The following NALF1 variants were observed in gnomAD, a reference collection of about 807,000 sequenced individuals.
NALF1 encodes NALCN channel auxiliary factor 1.
Under a neutral mutation model 48.4 loss-of-function variants are expected in NALF1, and 3 were observed. That is an observed-to-expected ratio of 0.06 (90% CI 0.03 to 0.16). The LOEUF (loss-of-function observed/expected upper bound fraction) is 0.16, where lower values mean the gene tolerates loss of function less well. Among genes scored for constraint, NALF1 ranks in the 10% least tolerant of loss-of-function variants. The probability of loss-of-function intolerance (pLI) is 1.00; values close to 1 mark genes in which losing one functional copy is unlikely to be tolerated. For missense variants in NALF1, 526 were observed against 571.5 expected, an observed-to-expected ratio of 0.92 and a Z score of 0.81; for synonymous variants, 262 against 245.7, an observed-to-expected ratio of 1.07 and a Z score of -0.62.
In NALF1 at chr13:107,169,832, CACAG is replaced by C. The variant is rs1163183329; in HGVS notation, c.*661_*664del. The C allele has an allele frequency of 6.6e-6, 1 of 152,640 alleles. No homozygotes were observed. The highest frequency in any genetic ancestry group is 2.4e-5 in the African/African-American group (1 of 41,410). The allele number at this position is 152,640 out of a possible 1,614,324, so 9.5% of individuals were successfully genotyped here. A position where few individuals can be genotyped will look rare whatever the true frequency, so the allele number is the denominator to read the frequency against. On this transcript the variant is annotated 3_prime_UTR_variant, in exon 3 of 3. Transcript: ENST00000375915. ...CGTGCACACCCATTCACTGTGGTTACACAGACAGAAGCAAGCGGATGTTGTTTGC... is the reference window on the plus strand; with the variant it reads ...CGTGCACACCCATTCACTGTGGTTACACAGAAGCAAGCGGATGTTGTTTGC...
intron 1 of NALF1, among the ~76,000 whole-genome samples, chr13:107,469,796 T>C (rs1885069261): frequency 7.4e-6 from 1 of 134,760 alleles, no homozygotes; most frequent in African/African-American, 2.8e-5. Flanking sequence ...CAGGCTGGAG[T>C]GCAGTGGTGC....
intron 1 of NALF1, among the ~76,000 whole-genome samples, chr13:107,317,030 A>T (rs556910414): frequency 6.6e-6 from 1 of 152,266 alleles, no homozygotes; most frequent in East Asian, 1.9e-4. Flanking sequence ...GAAATGAGAA[A>T]AACTATTGAT....
intron 1 of NALF1, among the ~76,000 whole-genome samples, chr13:107,714,972 GT>G (rs912652773): frequency 9.4e-5 from 14 of 149,294 alleles, no homozygotes; most frequent in Admixed American, 2.0e-4. Flanking sequence ...GTTTAGAAGG[GT>G]TTTTTTTTGC....
intron 1 of NALF1, among the ~76,000 whole-genome samples, chr13:107,477,575 A>G (rs966966317): frequency 2.6e-5 from 4 of 151,986 alleles, no homozygotes; most frequent in Non-Finnish European, 5.9e-5. Context: ...TCCTTACTGG[A>G]AGCAATAAAC....
rs76756641 is a variant in NALF1, at chr13:107,208,474, T to C, written c.1087+2110A>G. 7.8e-3 allele frequency among the ~76,000 whole-genome samples: 1,184 copies of C among 152,342 alleles called. 18 individuals are homozygous for C. Among genetic ancestry groups the C allele is most frequent in the African/African-American group, 0.027 (1,135 of 41,568 alleles). ...GTGTATGGAGGAAGTGGGTGAACATTCAAACATATATTTCAGATTCACAAA... is the reference window on the plus strand; with the variant it reads ...GTGTATGGAGGAAGTGGGTGAACATCCAAACATATATTTCAGATTCACAAA... On this transcript the variant is annotated intron_variant, in intron 2 of 2. Transcript: ENST00000375915.
intron 1 of NALF1, among the ~76,000 whole-genome samples, chr13:107,411,637 G>A (rs1883993751): frequency 6.6e-6 from 1 of 152,138 alleles, no homozygotes; most frequent in Non-Finnish European, 1.5e-5. Context: ...AGCAAGCAAG[G>A]CAGATATTTA....
At chr13:107,678,245 G>A (rs1464825476) in intron 1 of NALF1, among the ~76,000 whole-genome samples, 2 of 152,106 alleles carry the variant, frequency 1.3e-5, no homozygotes, top group Non-Finnish European at 2.9e-5. Flanking sequence ...CATGGTGAAC[G>A]GGAGGGATGA....
rs568255723 is a variant in NALF1, at chr13:107,572,557, G to A, written c.915+293125C>T. 1.5e-4 allele frequency among the ~76,000 whole-genome samples: 23 copies of A among 152,186 alleles called. No individual in the cohort carries two copies. The East Asian group carries it at 1.7e-3, about 12-fold the overall frequency. ...CCCTTTGTGCCGATCCAGGATTCTC[G>A]TGACTTCTACCAGCATCCATTAAAC... On this transcript the variant is annotated intron_variant, in intron 1 of 2. Coordinates refer to ENST00000375915, the MANE Select transcript of NALF1 (RefSeq NM_001080396.3).
intron 2 of NALF1, among the ~76,000 whole-genome samples, chr13:107,192,385 A>C (rs1267173712): frequency 6.6e-6 from 1 of 152,138 alleles, no homozygotes; most frequent in Admixed American, 6.5e-5. Flanking sequence ...TACTGTAAAC[A>C]GTTGCGACCG....
At position 107,660,465 on chromosome 13, in the gene NALF1, ACACACACACACACAC is replaced by A. The variant is rs1880702416; in HGVS notation, c.915+205202_915+205216del. ...CACACACACACACACACACACACACACACACACACACACACACACAACAAAGAAACAAAAAAACAA... is the reference window on the plus strand; with the variant it reads ...CACACACACACACACACACACACACAACACAACAAAGAAACAAAAAAACAA... On this transcript the variant is annotated intron_variant, in intron 1 of 2. Coordinates refer to ENST00000375915, the MANE Select transcript of NALF1 (RefSeq NM_001080396.3). 1.8e-4 allele frequency among the ~76,000 whole-genome samples: 22 copies of A among 123,174 alleles called. 1 individual carries two copies. In the South Asian group the frequency reaches 4.6e-3, roughly 26 times the overall value. The allele number at this position is 123,174 out of a possible 152,430, so 80.8% of individuals were successfully genotyped here.
chr13:107,242,440 A>G (rs1880490259), intron 1 of NALF1, among the ~76,000 whole-genome samples: 1 of 152,244 alleles, frequency 6.6e-6, no homozygotes, highest in South Asian at 2.1e-4. Flanking sequence ...AGGTGGAAGA[A>G]CAGGCACCTC....
At chr13:107,721,328 C>T (rs1277201831) in intron 1 of NALF1, among the ~76,000 whole-genome samples, 1 of 152,102 alleles carries the variant, frequency 6.6e-6, no homozygotes, top group Non-Finnish European at 1.5e-5. Context: ...GAATATCCAG[C>T]CCTCACAGTC....
At chr13:107,324,008 C>T (rs1300680095) in intron 1 of NALF1, among the ~76,000 whole-genome samples, 2 of 152,142 alleles carry the variant, frequency 1.3e-5, no homozygotes, top group African/African-American at 4.8e-5. Flanking sequence ...ATTCAGGAGG[C>T]TGAGGCAGGA....
chr13:107,548,424 A>G (rs1487577247), intron 1 of NALF1, among the ~76,000 whole-genome samples: 1 of 152,148 alleles, frequency 6.6e-6, no homozygotes, highest in Non-Finnish European at 1.5e-5. Context: ...ATAGTGCTGA[A>G]AAAACATCTG....
chr13:107,210,456 A>C (rs1219941497), intron 2 of NALF1, 128 bp downstream of exon 2: 1 of 664,146 alleles, frequency 1.5e-6, no homozygotes, highest in African/African-American at 1.8e-5. Context: ...TATTAGTGAA[A>C]GTGCGGAAAA....
intron 1 of NALF1, chr13:107,466,001 T>C (rs1884995743): frequency 6.5e-6 from 1 of 152,924 alleles, no homozygotes; most frequent in African/African-American, 2.4e-5. Context: ...AAGAAAGTGA[T>C]TTATTGGACT....
chr13:107,183,377 A>T (rs983381619), intron 2 of NALF1, among the ~76,000 whole-genome samples: 1 of 152,192 alleles, frequency 6.6e-6, no homozygotes, highest in African/African-American at 2.4e-5. Flanking sequence ...AAATAGGAAC[A>T]CTTTTATACT....
At chr13:107,699,296 A>C (rs1460440846) in intron 1 of NALF1, among the ~76,000 whole-genome samples, 1 of 152,164 alleles carries the variant, frequency 6.6e-6, no homozygotes, top group Non-Finnish European at 1.5e-5. Context: ...ACTACTTGGA[A>C]AGATACATTA....
chr13:107,635,276 G>A (rs376580650), intron 1 of NALF1, among the ~76,000 whole-genome samples: 3 of 151,924 alleles, frequency 2.0e-5, no homozygotes, highest in Admixed American at 6.6e-5. Context: ...CTCATGGCTC[G>A]GGAGGCCTCA....
Sources: gnomAD v4.1 joint callset for allele counts (sites outside exome capture counted in the v4.1 genomes callset) on GRCh38, gnomAD v4.1.1 for gene constraint, MANE v1.5 for transcripts, NCBI Gene and HGNC (gene_info 2026-07-23, HGNC 2026-07-21) for gene names.